PDE10A: variants seen among roughly 807,000 people sequenced by gnomAD.
PDE10A encodes the protein cAMP and cAMP-inhibited cGMP 3',5'-cyclic phosphodiesterase 10A.
Under a neutral mutation model 97.7 loss-of-function variants are expected in PDE10A, and 39 were observed. The ratio of observed to expected loss-of-function variants is 0.40; its 90% CI spans 0.31 to 0.52. The LOEUF (loss-of-function observed/expected upper bound fraction) is 0.52. Among genes scored for constraint, PDE10A ranks in the 20% least tolerant of loss-of-function variants. PDE10A has a pLI of 0.56. For synonymous variants in PDE10A, 371 were observed against 376.8 expected (o/e 0.98, Z 0.18); for missense variants, 731 against 1,047.8 (o/e 0.70, Z 4.17).
rs1412222756 is a variant in PDE10A, at chr6:165,355,717, TGAGA to T, written c.2784-12219_2784-12216del. On this transcript the variant is annotated intron_variant, in intron 18 of 21. Coordinates refer to ENST00000539869, the MANE Select transcript of PDE10A (RefSeq NM_001385079.1). ...TTCATTCCTCTTGGATAAAAATACC[TGAGA>T]GTGAACTGCTAGAACACAGTATAAG... Among the ~76,000 whole-genome samples the T allele has an allele frequency of 2.6e-5, 4 of 152,154 alleles. No individual in the cohort carries two copies. In the East Asian group the frequency reaches 7.7e-4, roughly 29 times the overall value.
In PDE10A at chr6:165,494,157, A is replaced by T. The variant is rs565272460; in HGVS notation, c.995-11814T>A. 3.3e-5 allele frequency among the ~76,000 whole-genome samples: 5 copies of T among 152,218 alleles called. No homozygotes were observed. In the East Asian group the frequency reaches 9.7e-4, roughly 29 times the overall value. On this transcript the variant is annotated intron_variant, in intron 2 of 21. Coordinates refer to ENST00000539869, the MANE Select transcript of PDE10A (RefSeq NM_001385079.1). Reference sequence around the variant, plus strand: ...CTGCAAGAATGGCCATAACAAAAAAATTAAAAAATCACTGATGTTGGAGTG... The same window carrying T: ...CTGCAAGAATGGCCATAACAAAAAATTTAAAAAATCACTGATGTTGGAGTG...
intron 4 of PDE10A, among the ~76,000 whole-genome samples, chr6:165,449,585 T>A (rs1791138101): frequency 6.6e-6 from 1 of 152,094 alleles, no homozygotes. Context: ...ATCAGTAAAA[T>A]GGTGGCAATA....
intron 1 of PDE10A, among the ~76,000 whole-genome samples, chr6:165,733,768 C>A (rs1224956448): frequency 6.6e-6 from 1 of 152,044 alleles, no homozygotes. Context: ...CTTAATGCAC[C>A]CCACAATCTC....
intron 1 of PDE10A, among the ~76,000 whole-genome samples, chr6:165,727,094 C>T (rs941839843): frequency 6.6e-6 from 1 of 152,194 alleles, no homozygotes; most frequent in Non-Finnish European, 1.5e-5. Flanking sequence ...TGCGCGTGGG[C>T]TGGTTCCCCA....
intron 1 of PDE10A, among the ~76,000 whole-genome samples, chr6:165,955,348 G>C (rs1202003424): frequency 6.6e-6 from 1 of 152,084 alleles, no homozygotes; most frequent in Non-Finnish European, 1.5e-5. Flanking sequence ...CTTCCAAACT[G>C]TCTCCTCTTC....
At chr6:165,957,656 T>C (rs1470301409) in intron 1 of PDE10A, among the ~76,000 whole-genome samples, 1 of 152,204 alleles carries the variant, frequency 6.6e-6, no homozygotes, top group African/African-American at 2.4e-5. Flanking sequence ...CAAACCACTT[T>C]GCTCAATAAC....
intron 1 of PDE10A, among the ~76,000 whole-genome samples, chr6:165,846,559 T>G (rs1298779538): frequency 6.6e-6 from 1 of 152,184 alleles, no homozygotes; most frequent in Non-Finnish European, 1.5e-5. Context: ...CCTCAGCCCT[T>G]CCCATCACAG....
chr6:165,486,063 G>A lies in PDE10A; in HGVS notation c.995-3720C>T, dbSNP rs1426220028. On this transcript the variant is annotated intron_variant, in intron 2 of 21. Coordinates refer to ENST00000539869, the MANE Select transcript of PDE10A (RefSeq NM_001385079.1). ...TCTTTCGGCTAGCAACGTAACTAGAGGAATTAATGAAATAGCAGAGGATAC... is the reference window on the plus strand; with the variant it reads ...TCTTTCGGCTAGCAACGTAACTAGAAGAATTAATGAAATAGCAGAGGATAC... Among the ~76,000 whole-genome samples, 4 of 152,114 alleles carry A rather than the reference G, an allele frequency of 2.6e-5. No homozygotes were observed. The East Asian group carries it at 5.8e-4, about 22-fold the overall frequency.
At chr6:165,387,835 G>C (rs1785413327) in intron 17 of PDE10A, among the ~76,000 whole-genome samples, 1 of 152,170 alleles carries the variant, frequency 6.6e-6, no homozygotes. Flanking sequence ...TGATGTCTGT[G>C]ATTGTCTACA....
At chr6:165,405,049 C>T (rs220780) in intron 13 of PDE10A, among the ~76,000 whole-genome samples, 113,798 of 151,750 alleles carry the variant, frequency 0.75, 43,902 homozygotes, top group African/African-American at 0.91. Context: ...TTTCCTCTAA[C>T]GTGTTTCAGT....
intron 16 of PDE10A, among the ~76,000 whole-genome samples, chr6:165,391,639 G>C (rs558176648): frequency 5.9e-5 from 9 of 152,108 alleles, no homozygotes; most frequent in Non-Finnish European, 1.2e-4. Flanking sequence ...TTACTGATCA[G>C]GCTAAACTCC....
At chr6:165,595,755 T>G (rs1786548903) in intron 1 of PDE10A, among the ~76,000 whole-genome samples, 2 of 152,230 alleles carry the variant, frequency 1.3e-5, no homozygotes, top group African/African-American at 4.8e-5. Flanking sequence ...TGAAGGCCCC[T>G]TCTTCATAGA....
chr6:165,550,092 A>G (rs1307879946), intron 1 of PDE10A, among the ~76,000 whole-genome samples: 2 of 152,138 alleles, frequency 1.3e-5, no homozygotes, highest in African/African-American at 4.8e-5. Flanking sequence ...TCTGACTCCT[A>G]CAATTCCACA....
chr6:165,730,332 T>C (rs1050553350), intron 1 of PDE10A, among the ~76,000 whole-genome samples: 22 of 152,220 alleles, frequency 1.4e-4, no homozygotes, highest in African/African-American at 5.3e-4. Context: ...AAGCCATGTG[T>C]TCTCTGAAAT....
At chr6:165,542,854 G>A (rs1374527399) in intron 2 of PDE10A, among the ~76,000 whole-genome samples, 6 of 151,780 alleles carry the variant, frequency 4.0e-5, no homozygotes, top group Non-Finnish European at 5.9e-5. Flanking sequence ...TCCTGACCTC[G>A]TGATCCGCCC....
intron 1 of PDE10A, among the ~76,000 whole-genome samples, chr6:165,721,690 C>T (rs1005474904): frequency 3.9e-5 from 6 of 152,218 alleles, no homozygotes; most frequent in African/African-American, 1.4e-4. Context: ...CGAGAGAGAT[C>T]TTTATGCCTC....
At chr6:165,485,467 CAAA>C (rs534131585) in intron 2 of PDE10A, among the ~76,000 whole-genome samples, 2 of 50,272 alleles carry the variant, frequency 4.0e-5, no homozygotes, top group African/African-American at 6.7e-5. Context: ...GACTCTGTCT[CAAA>C]AAAAAAAAAA....
intron 1 of PDE10A, among the ~76,000 whole-genome samples, chr6:165,985,633 T>G (rs1242489052): frequency 6.6e-6 from 1 of 152,184 alleles, no homozygotes; most frequent in African/African-American, 2.4e-5. Context: ...CGTCCCTCCC[T>G]GCTGTCCCTC....
chr6:165,774,721 C>T (rs1778119375), intron 1 of PDE10A: 1 of 149,450 alleles, frequency 6.7e-6, no homozygotes. Context: ...ATCTCTGATG[C>T]TACCAAGATT....
Sources: gnomAD v4.1 joint callset for allele counts (sites outside exome capture counted in the v4.1 genomes callset) on GRCh38, gnomAD v4.1.1 for gene constraint, MANE v1.5 for transcripts, NCBI Gene and HGNC (gene_info 2026-07-23, HGNC 2026-07-21) for gene names.